PTPRT: variants seen among roughly 807,000 people sequenced by gnomAD.
PTPRT encodes the protein receptor-type tyrosine-protein phosphatase T.
In PTPRT, 56 loss-of-function variants were observed where a neutral mutation model predicts 176.8. The ratio of observed to expected loss-of-function variants is 0.32; its 90% CI spans 0.26 to 0.40. PTPRT has a LOEUF of 0.40. PTPRT is among the 10% of genes least tolerant of loss of function. The pLI, the probability that PTPRT is intolerant of heterozygous loss-of-function variation, is 1.00. For synonymous variants in PTPRT, 783 were observed against 739.0 expected (o/e 1.06, Z -0.96); for missense variants, 1,540 against 1,908.2 (o/e 0.81, Z 3.60).
At chr20:43,103,160 C>T (rs926248681) in intron 1 of PTPRT, among the ~76,000 whole-genome samples, 8 of 152,100 alleles carry the variant, frequency 5.3e-5, no homozygotes, top group Non-Finnish European at 4.4e-5. Flanking sequence ...TCAGATCCCC[C>T]GTCCCCACTG....
chr20:42,791,159 A>G lies in PTPRT; in HGVS notation c.486+36T>C, dbSNP rs377236892. On this transcript the variant is annotated intron_variant, in intron 3 of 30. Transcript: ENST00000373187. Reference sequence around the variant, plus strand: ...AGCAAAGGTGTATAGATTTATTACAAATTTTCAAAAATAAAACCATGGTAA... The same window carrying G: ...AGCAAAGGTGTATAGATTTATTACAGATTTTCAAAAATAAAACCATGGTAA... The G allele has an allele frequency of 6.5e-6, 10 of 1,535,102 alleles. No individual in the cohort carries two copies. In the African/African-American group the frequency reaches 1.4e-4, roughly 21 times the overall value.
At chr20:42,623,284 G>A (rs557767286) in intron 7 of PTPRT, among the ~76,000 whole-genome samples, 6 of 152,268 alleles carry the variant, frequency 3.9e-5, no homozygotes, top group South Asian at 2.1e-4. Flanking sequence ...TTCAGGAGTC[G>A]CAGACACCCA....
At chr20:42,224,685 C>T (rs1396872006) in intron 15 of PTPRT, among the ~76,000 whole-genome samples, 1 of 152,178 alleles carries the variant, frequency 6.6e-6, no homozygotes, top group Non-Finnish European at 1.5e-5. Flanking sequence ...AGGCACTACC[C>T]CTGACCAGTT....
intron 7 of PTPRT, among the ~76,000 whole-genome samples, chr20:42,591,347 C>T (rs1335568209): frequency 1.3e-5 from 2 of 152,126 alleles, no homozygotes; most frequent in African/African-American, 4.8e-5. Context: ...ACCTGAAAAA[C>T]TGCAGCTTCT....
intron 1 of PTPRT, among the ~76,000 whole-genome samples, chr20:42,909,090 G>A (rs1170406046): frequency 6.6e-6 from 1 of 152,212 alleles, no homozygotes; most frequent in Non-Finnish European, 1.5e-5. Context: ...AGGAGTTTGA[G>A]GCCTCAGTGA....
intron 6 of PTPRT, among the ~76,000 whole-genome samples, chr20:42,755,383 G>GT (rs985635055): frequency 9.9e-5 from 15 of 151,876 alleles, no homozygotes; most frequent in African/African-American, 2.7e-4. Flanking sequence ...GATCAGTGGG[G>GT]TTTTTTTTGT....
At chr20:42,482,525 C>T (rs964952700) in intron 7 of PTPRT, among the ~76,000 whole-genome samples, 6 of 152,144 alleles carry the variant, frequency 3.9e-5, no homozygotes, top group African/African-American at 1.4e-4. Context: ...TAGGAGTGAA[C>T]CAAACAGGCA....
chr20:42,776,171 G>C (rs2077132653), intron 4 of PTPRT, among the ~76,000 whole-genome samples: 1 of 152,114 alleles, frequency 6.6e-6, no homozygotes, highest in Non-Finnish European at 1.5e-5. Context: ...AGTTGGCTCT[G>C]CCTCCTAAAT....
intron 1 of PTPRT, among the ~76,000 whole-genome samples, chr20:43,140,793 T>TCTTTTACAATG (rs1206395328): frequency 1.1e-4 from 16 of 152,202 alleles, no homozygotes; most frequent in Admixed American, 3.9e-4. Flanking sequence ...TGTGAAATTA[T>TCTTTTACAATG]CTTTTACAAT....
chr20:42,153,891 A>G (rs1003053380), intron 17 of PTPRT, among the ~76,000 whole-genome samples: 2 of 152,196 alleles, frequency 1.3e-5, no homozygotes, highest in South Asian at 2.1e-4. Flanking sequence ...TAACTCTTCC[A>G]TGATCATAAC....
chr20:42,556,993 T>G (rs2072872061), intron 7 of PTPRT, among the ~76,000 whole-genome samples: 1 of 152,102 alleles, frequency 6.6e-6, no homozygotes, highest in South Asian at 2.1e-4. Context: ...CTCTCTCCCC[T>G]GCACTTTTGC....
rs147628988 is a variant in PTPRT, at chr20:42,701,760, A to G, written c.860-23601T>C. 3.3e-3 allele frequency among the ~76,000 whole-genome samples: 502 copies of G among 152,140 alleles called. 3 individuals are homozygous for G. The highest frequency in any genetic ancestry group is 6.2e-3 in the Non-Finnish European group (424 of 67,996). On this transcript the variant is annotated intron_variant, in intron 6 of 30. Transcript: ENST00000373187. Reference sequence around the variant, plus strand: ...GATTTAGAAGGGTCCCACCAAGAAGACACTTGGATCACGAGCTCTGCTGTC... The same window carrying G: ...GATTTAGAAGGGTCCCACCAAGAAGGCACTTGGATCACGAGCTCTGCTGTC...
intron 16 of PTPRT, among the ~76,000 whole-genome samples, chr20:42,192,861 G>T (rs1193571414): frequency 6.6e-6 from 1 of 152,208 alleles, no homozygotes; most frequent in African/African-American, 2.4e-5. Context: ...TTTCCTAAGA[G>T]GGTCCTAGTA....
intron 7 of PTPRT, among the ~76,000 whole-genome samples, chr20:42,530,487 C>T (rs1210987377): frequency 6.6e-6 from 1 of 152,162 alleles, no homozygotes; most frequent in African/African-American, 2.4e-5. Context: ...GAATCTAAAA[C>T]AGTTAGCTTA....
intron 1 of PTPRT, among the ~76,000 whole-genome samples, chr20:43,081,269 G>C (rs2011434738): frequency 6.6e-6 from 1 of 152,184 alleles, no homozygotes; most frequent in South Asian, 2.1e-4. Flanking sequence ...GGAGGAGAAA[G>C]TTTTTGCCAT....
chr20:42,553,762 C>A (rs1375319680), intron 7 of PTPRT, among the ~76,000 whole-genome samples: 2 of 152,060 alleles, frequency 1.3e-5, no homozygotes, highest in Non-Finnish European at 2.9e-5. Context: ...AGTCACGGGG[C>A]AGCCAGGACT....
At chr20:42,032,400 T>C in the PTPRT span, among the ~76,000 whole-genome samples, 1 of 152,156 alleles carries the variant, frequency 6.6e-6, no homozygotes, top group South Asian at 2.1e-4. Context: ...GAGACACTGA[T>C]AATCAAAAGA....
chr20:42,255,632 C>T (rs2056624838), intron 13 of PTPRT, among the ~76,000 whole-genome samples: 1 of 152,142 alleles, frequency 6.6e-6, no homozygotes, highest in Non-Finnish European at 1.5e-5. Context: ...CATAATTTGG[C>T]AACAAGGGAC....
At chr20:42,918,493 G>T (rs1056820516) in intron 1 of PTPRT, among the ~76,000 whole-genome samples, 2 of 151,942 alleles carry the variant, frequency 1.3e-5, no homozygotes, top group Admixed American at 6.6e-5. Context: ...CTTCCCATGG[G>T]CCCCTTCTAA....
Sources: allele counts gnomAD v4.1 joint callset (sites outside exome capture counted in the v4.1 genomes callset), GRCh38; gene constraint gnomAD v4.1.1; transcripts MANE v1.5; gene names NCBI Gene and HGNC (gene_info 2026-07-23, HGNC 2026-07-21).